The following SKI variants were observed in gnomAD, a reference collection of about 807,000 sequenced individuals.
SKI encodes SKI proto-oncogene.
Under a neutral mutation model 59.3 loss-of-function variants are expected in SKI, and 23 were observed. That is an observed-to-expected ratio of 0.39 (90% CI 0.28 to 0.55). The LOEUF is 0.55. Among genes scored for constraint, SKI ranks in the 20% least tolerant of loss-of-function variants. SKI has a pLI of 0.67. For synonymous variants in SKI, 673 were observed against 488.6 expected (o/e 1.38, Z -4.98); for missense variants, 1,017 against 1,038.9 (o/e 0.98, Z 0.29).
chr1:2,294,380 C>A (rs1030482614), intron 1 of SKI, among the ~76,000 whole-genome samples: 1 of 152,252 alleles, frequency 6.6e-6, no homozygotes, highest in Non-Finnish European at 1.5e-5. Flanking sequence ...TGTGGCTGCT[C>A]TCCTCAACAA....
In SKI at chr1:2,306,238, G is replaced by C; in HGVS notation, c.1986G>C (p.Lys662Asn). The C allele has an allele frequency of 6.4e-7, 1 of 1,555,684 alleles. No individual in the cohort carries two copies. Among genetic ancestry groups the C allele is most frequent in the Non-Finnish European group, 8.7e-7 (1 of 1,150,756 alleles). Residue 662 changes from lysine (K) to asparagine (N), a missense_variant, in exon 6 of 7, where the codon AAG becomes AAC. Physicochemically the swap from Lys to Asn is moderately conservative, Grantham distance 94. Transcript: ENST00000378536. ...KGCEAGRLRA[K>N]YSAQIEDLQV... ...GCGAGGCGGGCCGCCTGCGCGCCAA[G>C]TACTCGGCCCAGGTATGCGGGTGGG...
At chr1:2,271,744 G>A (rs1639626556) in intron 1 of SKI, among the ~76,000 whole-genome samples, 1 of 151,890 alleles carries the variant, frequency 6.6e-6, no homozygotes, top group Admixed American at 6.5e-5. Flanking sequence ...GCTTTTGGTG[G>A]CCTAAGGGGA....
chr1:2,256,684 G>C (rs982846355), intron 1 of SKI, among the ~76,000 whole-genome samples: 1 of 152,264 alleles, frequency 6.6e-6, no homozygotes, highest in African/African-American at 2.4e-5. Flanking sequence ...CAGAACACTT[G>C]TCGGCGCTCC....
chr1:2,290,529 C>T (rs1261026079), intron 1 of SKI, among the ~76,000 whole-genome samples: 2 of 130,798 alleles, frequency 1.5e-5, no homozygotes, highest in African/African-American at 5.1e-5. Flanking sequence ...CCCAGAACAA[C>T]AGTTGGCGGG....
intron 1 of SKI, among the ~76,000 whole-genome samples, chr1:2,273,936 C>T (rs1189667653): frequency 1.3e-4 from 20 of 152,106 alleles, no homozygotes; most frequent in Admixed American, 1.2e-3. Flanking sequence ...TGGAAGGTGA[C>T]GGCATCTCCC....
chr1:2,260,242 T>G (rs377355344), intron 1 of SKI, among the ~76,000 whole-genome samples: 2 of 152,220 alleles, frequency 1.3e-5, no homozygotes, highest in African/African-American at 4.8e-5. Flanking sequence ...AGGTTTAAGT[T>G]GCGCTTCCCC....
chr1:2,283,199 C>T (rs1010657627), intron 1 of SKI, among the ~76,000 whole-genome samples: 2 of 152,200 alleles, frequency 1.3e-5, no homozygotes, highest in Admixed American at 1.3e-4. Context: ...GGTGCCGGTG[C>T]GCCCCTCCTA....
intron 1 of SKI, among the ~76,000 whole-genome samples, chr1:2,284,653 G>A (rs965243884): frequency 3.3e-5 from 5 of 152,144 alleles, no homozygotes; most frequent in African/African-American, 9.7e-5. Flanking sequence ...TGACTGCATG[G>A]GCCTCTTGCG....
intron 1 of SKI, among the ~76,000 whole-genome samples, chr1:2,284,172 C>T (rs1437368713): frequency 5.3e-5 from 8 of 152,168 alleles, no homozygotes; most frequent in African/African-American, 1.9e-4. Flanking sequence ...GCCCCAGAGG[C>T]CGGCCCTGGG....
Position 2,229,406 on chromosome 1 carries a change from A to C in SKI, c.640A>C (p.Ser214Arg). Residue 214 changes from serine to arginine, a missense_variant, in exon 1 of 7, where the codon AGC (serine) becomes CGC (arginine). Physicochemically the swap from Ser to Arg is moderately radical, Grantham distance 110. Transcript: ENST00000378536. The surrounding 1 kb of genome is among the most constrained non-coding windows in gnomAD (Gnocchi z 6.3). ...AASLALGLEL[S>R]ERSVRVYHEC... is the part of the protein sequence containing the mutation. Reference sequence around the variant, plus strand: ...CAGCCTGGCGCTGGGCCTGGAGCTCAGCGAGCGCAGCGTCCGCGTGTACCA... The same window carrying C: ...CAGCCTGGCGCTGGGCCTGGAGCTCCGCGAGCGCAGCGTCCGCGTGTACCA... 6.2e-7 allele frequency: 1 copy of C among 1,609,382 alleles called. No individual in the cohort carries two copies.
At chr1:2,301,422 C>A (rs1331285058) in intron 1 of SKI, among the ~76,000 whole-genome samples, 1 of 151,398 alleles carries the variant, frequency 6.6e-6, no homozygotes, top group Non-Finnish European at 1.5e-5. Context: ...TGCGCCCGAG[C>A]ACTTATCTTT....
intron 1 of SKI, among the ~76,000 whole-genome samples, chr1:2,264,766 A>G (rs1462686265): frequency 6.6e-6 from 1 of 151,754 alleles, no homozygotes; most frequent in Admixed American, 6.6e-5. Flanking sequence ...CCAGAGAGAG[A>G]TCTGCTCATC....
rs1229864310 is a variant in SKI, at chr1:2,267,437, C to T, written c.970-35541C>T. Among the ~76,000 whole-genome samples the T allele has an allele frequency of 6.6e-6, 1 of 152,194 alleles. No individual in the cohort carries two copies. Among genetic ancestry groups the T allele is most frequent in the Non-Finnish European group, 1.5e-5 (1 of 68,038 alleles). On this transcript the variant is annotated intron_variant, in intron 1 of 6. Coordinates refer to ENST00000378536, the MANE Select transcript of SKI (RefSeq NM_003036.4). The surrounding 1 kb of genome is among the most constrained non-coding windows in gnomAD (Gnocchi z 4.1). ...CCGGAGCAGGTGCGACAGGAATGTC[C>T]CACGTCCTCTCGTGTGCTGTCGGGA...
chr1:2,272,266 A>G (rs1406376291), intron 1 of SKI, among the ~76,000 whole-genome samples: 1 of 152,244 alleles, frequency 6.6e-6, no homozygotes, highest in Non-Finnish European at 1.5e-5. Context: ...ACCAAGCTTA[A>G]ATGTCTTAGT....
intron 1 of SKI, among the ~76,000 whole-genome samples, chr1:2,287,502 A>C (rs1369406933): frequency 6.6e-6 from 1 of 151,816 alleles, no homozygotes; most frequent in Non-Finnish European, 1.5e-5. Flanking sequence ...ACGCCCAGCT[A>C]ATTTTTTGTA....
rs886902946 is a variant in SKI, at chr1:2,270,350, C to T, written c.970-32628C>T. Among the ~76,000 whole-genome samples, 1 of 152,226 alleles carries T rather than the reference C, an allele frequency of 6.6e-6. No homozygotes were observed. Among genetic ancestry groups the T allele is most frequent in the African/African-American group, 2.4e-5 (1 of 41,462 alleles). On this transcript the variant is annotated intron_variant, in intron 1 of 6. Coordinates refer to ENST00000378536, the MANE Select transcript of SKI (RefSeq NM_003036.4). The surrounding 1 kb of genome is among the most constrained non-coding windows in gnomAD (Gnocchi z 4.1). ...ACCACTCTGACGCCACGGCCTGAGG[C>T]AGCCGTTGGACAGTGCCCATCTTGA...
At chr1:2,273,963 G>T (rs957473482) in intron 1 of SKI, among the ~76,000 whole-genome samples, 9 of 152,120 alleles carry the variant, frequency 5.9e-5, no homozygotes, top group African/African-American at 1.4e-4. Flanking sequence ...GCAGCGCCAG[G>T]ATGGCAGCCC....
At position 2,271,198 on chromosome 1, in the gene SKI, GAC is replaced by G. The variant is rs578027159; in HGVS notation, c.970-31777_970-31776del. Among the ~76,000 whole-genome samples the G allele has an allele frequency of 3.7e-3, 559 of 152,252 alleles. 1 individual carries two copies. Among genetic ancestry groups the G allele is most frequent in the Non-Finnish European group, 6.1e-3 (413 of 68,002 alleles). On this transcript the variant is annotated intron_variant, in intron 1 of 6. Coordinates refer to ENST00000378536, the MANE Select transcript of SKI (RefSeq NM_003036.4). ...AGTCCCTGAGAAGCACAGAGGCCTG[GAC>G]ACTCCCACCTCCCAGTCAGGCCCTG...
At position 2,303,683 on chromosome 1, in the gene SKI, C is replaced by T. The variant is rs1021479508; in HGVS notation, c.1212-157C>T. 4.9e-5 allele frequency: 52 copies of T among 1,055,156 alleles called. No individual in the cohort carries two copies. The African/African-American group carries it at 5.7e-4, about 12-fold the overall frequency. The allele number at this position is 1,055,156 out of a possible 1,614,324, so 65.4% of individuals were successfully genotyped here. A position where few individuals can be genotyped will look rare whatever the true frequency, so the allele number is the denominator to read the frequency against. ...CGCAAGAGACCCAGCAAGCAGAAAA[C>T]GCTTACGGGTTCTTAGGGAACTGTA... On this transcript the variant is annotated intron_variant, in intron 3 of 6. Transcript: ENST00000378536. This position sits in a 1 kb window ranked among gnomAD's most constrained non-coding sequence, Gnocchi z 5.6.
Sources: allele counts gnomAD v4.1 joint callset (sites outside exome capture counted in the v4.1 genomes callset), GRCh38; gene constraint gnomAD v4.1.1; non-coding constraint Gnocchi (gnomAD v3.1); transcripts MANE v1.5; gene names NCBI Gene and HGNC (gene_info 2026-07-23, HGNC 2026-07-21).